YARS2: variants seen among roughly 807,000 people sequenced by gnomAD.
The protein encoded by YARS2 is tyrosine--tRNA ligase, mitochondrial.
A neutral mutation model predicts 45.0 loss-of-function variants in YARS2; 38 were observed. The ratio of observed to expected loss-of-function variants is 0.84; its 90% CI spans 0.65 to 1.11. The LOEUF (loss-of-function observed/expected upper bound fraction) is 1.11, where lower values mean the gene tolerates loss of function less well. YARS2 is among the 50% of genes least tolerant of loss of function. YARS2 has a pLI of 0.00. For synonymous variants in YARS2, 287 were observed against 245.1 expected, an observed-to-expected ratio of 1.17 and a Z score of -1.60; for missense variants, 602 against 599.8, an observed-to-expected ratio of 1.00 and a Z score of -0.04.
intron 2 of YARS2, among the ~76,000 whole-genome samples, chr12:32,751,569 C>T (rs774857718): frequency 4.6e-5 from 7 of 152,102 alleles, no homozygotes; most frequent in African/African-American, 1.4e-4. Flanking sequence ...AATCATCATG[C>T]TCTGCATAAT....
Position 32,755,715 on chromosome 12 carries a change from C to A in YARS2, c.160G>T (p.Glu54Ter). The A allele has an allele frequency of 6.2e-7, 1 of 1,614,244 alleles. No individual in the cohort carries two copies. ...ARGLFKDFFPETGTKIELPEL... is the reference protein window; with the variant it reads ...ARGLFKDFFP The stretch of plus-strand genomic sequence containing the variant: ...GGGAGCTCTATTTTCGTCCCCGTCT[C>A]CGGGAAGAAGTCCTTGAACAGACCT... The change falls in exon 1 of 5, where the codon GAG (glutamate) becomes TAG (stop). Residue 54 changes from glutamate to a stop codon, truncating the protein, a stop_gained. Transcript: ENST00000324868. LOFTEE classifies it high-confidence loss of function.
At chr12:32,750,647 C>T in intron 3 of YARS2, 72 bp downstream of exon 3, 6 of 1,590,356 alleles carry the variant, frequency 3.8e-6, no homozygotes, top group Non-Finnish European at 5.1e-6. Flanking sequence ...AATCCTAAAA[C>T]ATACTCCTAC....
rs887319149 is a variant in YARS2 at position 32,755,541 on chromosome 12, C to T, written c.334G>A (p.Val112Met). 1 of 1,613,524 alleles carries T rather than the reference C, an allele frequency of 6.2e-7. No individual in the cohort carries two copies. The highest frequency in any genetic ancestry group is 8.5e-7 in the Non-Finnish European group (1 of 1,179,842). ...CCCAGGCGCGCCGTGGCGCCTCCCA[C>T]CAGCGCGATCACGTTGTGGCCCGCT... ...QRAGHNVIAL[V>M]GGATARLGDP... is the part of the protein sequence containing the mutation. Residue 112 changes from valine to methionine, a missense_variant, in exon 1 of 5, where the codon GTG becomes ATG. By Grantham distance (21) the Val-to-Met change is conservative. Transcript: ENST00000324868.
chr12:32,754,449 C>G (rs1565560261), intron 1 of YARS2, among the ~76,000 whole-genome samples: 2 of 152,192 alleles, frequency 1.3e-5, no homozygotes, highest in African/African-American at 4.8e-5. Context: ...CATGAGCTAG[C>G]CCTATCCTTC....
rs755502878 is a variant in YARS2 at position 32,750,577 on chromosome 12, CAG to C, written c.1103+140_1103+141del. 922 of 1,050,912 alleles carry C rather than the reference CAG, an allele frequency of 8.8e-4. 3 individuals are homozygous for C. The highest frequency in any genetic ancestry group is 1.6e-3 in the South Asian group (110 of 68,142). The allele number at this position is 1,050,912 out of a possible 1,614,324, so 65.1% of individuals were successfully genotyped here. On this transcript the variant is annotated intron_variant, in intron 3 of 4. Coordinates refer to ENST00000324868, the MANE Select transcript of YARS2 (RefSeq NM_001040436.3). ...CAAGATAATCCTTCTTTCCAATAAA[CAG>C]GGGCTATTTTAAATTGCTAAGTCAA... is the stretch of plus-strand genomic sequence containing the variant.
chr12:32,755,828 C>T lies in YARS2; in HGVS notation c.47G>A (p.Gly16Asp), dbSNP rs1178653791. 3.1e-6 allele frequency: 5 copies of T among 1,613,446 alleles called. No individual in the cohort carries two copies. In the Admixed American group the frequency reaches 5.0e-5, roughly 16 times the overall value. Residue 16 changes from glycine to aspartate, a missense_variant, in exon 1 of 5, where the codon GGT becomes GAT. Transcript: ENST00000324868. ...CAACAATACTGAGAGATTTAGGGTACCAGACCACCGGCCCCAGGAAAAGGA... is the reference window on the plus strand; with the variant it reads ...CAACAATACTGAGAGATTTAGGGTATCAGACCACCGGCCCCAGGAAAAGGA... ...LRSFSWGRWS[G>D]TLNLSVLLPL...
chr12:32,750,159 T>A (rs573053300), intron 3 of YARS2, 52 bp from the exon 4 acceptor site: 1 of 1,605,136 alleles, frequency 6.2e-7, no homozygotes, highest in East Asian at 2.2e-5. Flanking sequence ...TTCAAATACA[T>A]GTTCTAATAC....
chr12:32,753,784 GATGTA>G, intron 2 of YARS2, 129 bp downstream of exon 2: 1 of 1,169,078 alleles, frequency 8.6e-7, no homozygotes, highest in South Asian at 1.3e-5. Context: ...AGTCTTCTAT[GATGTA>G]ATGGTTTATG....
rs749735039 is a variant in YARS2, at chr12:32,749,928, T to C, written c.1274+9A>G. ...ATTAACTGTAAATCTAAAAGTTAAA[T>C]AATCTTACCCTCGGGGACCATCTGG... On this transcript the variant is annotated intron_variant, in intron 4 of 4. Transcript: ENST00000324868. The C allele has an allele frequency of 2.5e-6, 4 of 1,614,006 alleles. No homozygotes were observed. The highest frequency in any genetic ancestry group is 2.2e-5 in the East Asian group (1 of 44,868).
Position 32,749,995 on chromosome 12 carries a change from C to T in YARS2, c.1216G>A (p.Gly406Arg). Residue 406 changes from glycine to arginine, a missense_variant, in exon 4 of 5, where the codon GGA (glycine) becomes AGA (arginine). Coordinates refer to ENST00000324868, the MANE Select transcript of YARS2 (RefSeq NM_001040436.3). ...APFSEFFLDP[G>R]TSVLDTCRKA... Reference sequence around the variant, plus strand: ...CGGCAAGTATCTAGGACACTTGTTCCAGGATCGAGAAAAAATTCAGAAAAT... The same window carrying T: ...CGGCAAGTATCTAGGACACTTGTTCTAGGATCGAGAAAAAATTCAGAAAAT... The T allele has an allele frequency of 6.2e-7, 1 of 1,614,054 alleles. No homozygotes were observed. The highest frequency in any genetic ancestry group is 8.5e-7 in the Non-Finnish European group (1 of 1,179,988).
At chr12:32,755,022 TAA>T (rs1225694120) in intron 1 of YARS2, 72 bp downstream of exon 1, 7 of 1,591,454 alleles carry the variant, frequency 4.4e-6, no homozygotes, top group South Asian at 1.1e-5. Context: ...ACTACAATCC[TAA>T]GAGTGAATCA....
At chr12:32,750,271 G>A (rs1423434874) in intron 3 of YARS2, among the ~76,000 whole-genome samples, 164 bp from the exon 4 acceptor site, 2 of 151,888 alleles carry the variant, frequency 1.3e-5, no homozygotes, top group Non-Finnish European at 2.9e-5. Context: ...GCATGATCTC[G>A]GCTCACAGCA....
Position 32,754,045 on chromosome 12 carries a change from T to C in YARS2, c.820A>G (p.Ile274Val). 1 of 1,614,224 alleles carries C rather than the reference T, an allele frequency of 6.2e-7. No homozygotes were observed. Among genetic ancestry groups the C allele is most frequent in the Non-Finnish European group, 8.5e-7 (1 of 1,180,040 alleles). ...AGCTTTGCTCCAGTTGTACTTGTAA[T>C]TAGAGGAACGGTGATTCCAAATACA... ...EDVFGITVPL[I>V]TSTTGAKLGK... The change falls in exon 2 of 5, where the codon ATT (isoleucine) becomes GTT (valine). Residue 274 changes from isoleucine (I) to valine (V), a missense_variant. By Grantham distance (29) the Ile-to-Val change is conservative (BLOSUM62 3). Transcript: ENST00000324868.
In YARS2 at chr12:32,755,870, G is replaced by A. The variant is rs761092249; in HGVS notation, c.5C>T (p.Ala2Val). The change falls in exon 1 of 5, where the codon GCG (alanine) becomes GTG (valine). Residue 2 changes from alanine to valine, a missense_variant. Physicochemically the swap from Ala to Val is moderately conservative, Grantham distance 64. Coordinates refer to ENST00000324868, the MANE Select transcript of YARS2 (RefSeq NM_001040436.3). ...GGAAAAGGACCGCAAGATGGGCGCC[G>A]CCATCTTGGTAGCGGCACGAAGGGA... M[A>V]APILRSFSWG... 35 of 1,612,930 alleles carry A rather than the reference G, an allele frequency of 2.2e-5. No homozygotes were observed. The highest frequency in any genetic ancestry group is 5.0e-5 in the Admixed American group (3 of 60,002).
At chr12:32,750,898 T>TA in intron 2 of YARS2, 24 bp from the exon 3 acceptor site, 1 of 1,612,596 alleles carries the variant, frequency 6.2e-7, no homozygotes, top group South Asian at 1.1e-5. Context: ...AATAAAGAGT[T>TA]ACACTTATAT....
chr12:32,747,127 G>T lies in YARS2; in HGVS notation c.*77C>A. 1 of 1,514,072 alleles carries T rather than the reference G, an allele frequency of 6.6e-7. No individual in the cohort carries two copies. The highest frequency in any genetic ancestry group is 1.2e-5 in the South Asian group (1 of 86,532). 93.8% of individuals were successfully genotyped at this position (1,514,072 alleles called of 1,614,324 possible). ...CTGATTTGCATAAGCAAAGGTCTAAGTTCTGGAGCCAACCCTTCAGAGGTC... is the reference window on the plus strand; with the variant it reads ...CTGATTTGCATAAGCAAAGGTCTAATTTCTGGAGCCAACCCTTCAGAGGTC... On this transcript the variant is annotated 3_prime_UTR_variant, in exon 5 of 5. Coordinates refer to ENST00000324868, the MANE Select transcript of YARS2 (RefSeq NM_001040436.3).
Position 32,755,448 on chromosome 12 carries a change from C to G in YARS2, c.427G>C (p.Ala143Pro), listed in dbSNP as rs369915186. The G allele has an allele frequency of 1.9e-6, 3 of 1,612,992 alleles. No homozygotes were observed. The highest frequency in any genetic ancestry group is 2.7e-5 in the African/African-American group (2 of 75,056). ...ETERVRANAR[A>P]LRLGLEALAA... Reference sequence around the variant, plus strand: ...AGGGCCTCAAGCCCTAGGCGCAGAGCTCGCGCGTTGGCTCGCACGCGCTCT... The same window carrying G: ...AGGGCCTCAAGCCCTAGGCGCAGAGGTCGCGCGTTGGCTCGCACGCGCTCT... Residue 143 changes from alanine (A) to proline (P), a missense_variant, in exon 1 of 5, where the codon GCT becomes CCT. By Grantham distance (27) the Ala-to-Pro change is conservative. Coordinates refer to ENST00000324868, the MANE Select transcript of YARS2 (RefSeq NM_001040436.3).
Position 32,755,572 on chromosome 12 carries a change from C to T in YARS2, c.303G>A (p.Leu101=), listed in dbSNP as rs1327895575. 1 of 1,613,844 alleles carries T rather than the reference C, an allele frequency of 6.2e-7. No individual in the cohort carries two copies. The highest frequency in any genetic ancestry group is 8.5e-7 in the Non-Finnish European group (1 of 1,179,910). ...HLLALLGLFH[L]QRAGHNVIAL... is the part of the protein sequence containing the mutation. ...CGATCACGTTGTGGCCCGCTCGCTG[C>T]AAATGAAACAGGCCCAGCAGCGCAA... Residue 101 remains leucine (L), a synonymous_variant, in exon 1 of 5, where the codon TTG becomes TTA. Coordinates refer to ENST00000324868, the MANE Select transcript of YARS2 (RefSeq NM_001040436.3).
At chr12:32,751,020 A>G in intron 2 of YARS2, 146 bp from the exon 3 acceptor site, 1 of 892,320 alleles carries the variant, frequency 1.1e-6, no homozygotes, top group Non-Finnish European at 1.7e-6. Flanking sequence ...TCCCATGCAC[A>G]CATCACCCAG....
Sources: gnomAD v4.1 joint callset for allele counts (sites outside exome capture counted in the v4.1 genomes callset) on GRCh38, gnomAD v4.1.1 for gene constraint, MANE v1.5 for transcripts, NCBI Gene and HGNC (gene_info 2026-07-23, HGNC 2026-07-21) for gene names.